The following ADAMTS3 variants were observed in gnomAD, a reference collection of about 807,000 sequenced individuals.
ADAMTS3 encodes the protein A disintegrin and metalloproteinase with thrombospondin motifs 3.
Under a neutral mutation model 129.0 loss-of-function variants are expected in ADAMTS3, and 73 were observed. The ratio of observed to expected loss-of-function variants is 0.57; its 90% CI spans 0.47 to 0.69. The LOEUF (loss-of-function observed/expected upper bound fraction) is 0.69. ADAMTS3 is among the 30% of genes least tolerant of loss of function. The probability of loss-of-function intolerance (pLI) is 0.00; values close to 1 mark genes in which losing one functional copy is unlikely to be tolerated. For missense variants in ADAMTS3, 1,457 were observed against 1,514.5 expected (o/e 0.96, Z 0.63); for synonymous variants, 477 against 510.8 (o/e 0.93, Z 0.89).
rs191988910 is a variant in ADAMTS3, at chr4:72,329,446, T to C, written c.862-6349A>G. The stretch of plus-strand genomic sequence containing the variant: ...ATATATTAGAGAACTCAGAATCCTA[T>C]AGAGAACAGACATTGTCATTGCTAC... On this transcript the variant is annotated intron_variant, in intron 5 of 21. Transcript: ENST00000286657. 2.8e-4 allele frequency among the ~76,000 whole-genome samples: 43 copies of C among 152,286 alleles called. 1 individual carries two copies. The highest frequency in any genetic ancestry group is 2.7e-3 in the East Asian group (14 of 5,178).
intron 3 of ADAMTS3, among the ~76,000 whole-genome samples, chr4:72,530,423 T>G (rs1486982440): frequency 1.2e-5 from 1 of 85,312 alleles, no homozygotes; most frequent in Non-Finnish European, 2.0e-5. Flanking sequence ...TAATATATAT[T>G]AAATTAATAT....
chr4:72,540,681 T>G (rs974227599), intron 3 of ADAMTS3, among the ~76,000 whole-genome samples: 2 of 152,182 alleles, frequency 1.3e-5, no homozygotes, highest in African/African-American at 2.4e-5. Flanking sequence ...ACTCATGCCC[T>G]GCATCCCAGC....
At chr4:72,446,479 C>G (rs1248850149) in intron 3 of ADAMTS3, among the ~76,000 whole-genome samples, 1 of 151,436 alleles carries the variant, frequency 6.6e-6, no homozygotes, top group Non-Finnish European at 1.5e-5. Flanking sequence ...CAGGCTTCTT[C>G]CAGGAAGGAA....
rs772206043 is a variant in ADAMTS3, at chr4:72,568,815, ACC to A, written c.-55_-54del. 15 of 1,153,370 alleles carry A rather than the reference ACC, an allele frequency of 1.3e-5. No homozygotes were observed. The highest frequency in any genetic ancestry group is 6.4e-5 in the East Asian group (2 of 31,222). The allele number at this position is 1,153,370 out of a possible 1,614,324, so 71.4% of individuals were successfully genotyped here. A position where few individuals can be genotyped will look rare whatever the true frequency, so the allele number is the denominator to read the frequency against. On this transcript the variant is annotated 5_prime_UTR_variant, in exon 1 of 22. Coordinates refer to ENST00000286657, the MANE Select transcript of ADAMTS3 (RefSeq NM_014243.3). The stretch of plus-strand genomic sequence containing the variant: ...TGGGCAAAGCAAATGCCCAGAGCAA[ACC>A]CACCCCCCCCGCCCAAAATAAGTTT...
intron 3 of ADAMTS3, among the ~76,000 whole-genome samples, chr4:72,422,402 T>C (rs1225980800): frequency 6.6e-6 from 1 of 152,160 alleles, no homozygotes; most frequent in Non-Finnish European, 1.5e-5. Flanking sequence ...ATATTTAGTT[T>C]CCCAAACTAT....
chr4:72,531,036 G>A (rs368438714), intron 3 of ADAMTS3, among the ~76,000 whole-genome samples: 1 of 151,154 alleles, frequency 6.6e-6, no homozygotes, highest in Non-Finnish European at 1.5e-5. Flanking sequence ...ACTTAGAAAT[G>A]CCAATGCAGC....
chr4:72,522,107 T>C (rs1720690467), intron 3 of ADAMTS3, among the ~76,000 whole-genome samples: 1 of 152,190 alleles, frequency 6.6e-6, no homozygotes, highest in South Asian at 2.1e-4. Flanking sequence ...ACTGATACAG[T>C]GAAAGAAGAT....
rs1158533129 is a variant in ADAMTS3 at position 72,295,717 on chromosome 4, T to G, written c.2660A>C (p.Glu887Ala). Residue 887 changes from glutamate to alanine, a missense_variant, in exon 19 of 22, where the codon GAG becomes GCG. Coordinates refer to ENST00000286657, the MANE Select transcript of ADAMTS3 (RefSeq NM_014243.3). ...AATAGGTTTCGGCTTTTTGTTGGCC[T>G]CACAGAAGCTGCGATGGACCATTTT... ...DNKMVHRSFC[E>A]ANKKPKPIRR... The G allele has an allele frequency of 1.2e-5, 19 of 1,612,948 alleles. No homozygotes were observed. Among genetic ancestry groups the G allele is most frequent in the Non-Finnish European group, 1.6e-5 (19 of 1,179,220 alleles).
intron 11 of ADAMTS3, among the ~76,000 whole-genome samples, chr4:72,314,685 CTT>C (rs1240721216): frequency 1.3e-5 from 2 of 152,082 alleles, no homozygotes; most frequent in Admixed American, 6.6e-5. Context: ...TCGTTATACT[CTT>C]GTTTTTAGTC....
At chr4:72,526,733 CAT>C (rs36097990) in intron 3 of ADAMTS3, among the ~76,000 whole-genome samples, 4,500 of 97,378 alleles carry the variant, frequency 0.046, 73 homozygotes, top group East Asian at 0.079. Flanking sequence ...TATATACATA[CAT>C]ATATATATAT....
At chr4:72,404,470 T>C (rs887736125) in intron 4 of ADAMTS3, among the ~76,000 whole-genome samples, 1 of 152,084 alleles carries the variant, frequency 6.6e-6, no homozygotes, top group South Asian at 2.1e-4. Context: ...AAGAATGTAA[T>C]TGAACCCTCA....
chr4:72,455,703 G>C (rs1348224935), intron 3 of ADAMTS3, among the ~76,000 whole-genome samples: 1 of 145,730 alleles, frequency 6.9e-6, no homozygotes, highest in African/African-American at 2.5e-5. Context: ...TTTGATGTTA[G>C]TGATATCTGT....
At chr4:72,513,820 T>C (rs952290389) in intron 3 of ADAMTS3, among the ~76,000 whole-genome samples, 1 of 152,158 alleles carries the variant, frequency 6.6e-6, no homozygotes, top group Non-Finnish European at 1.5e-5. Context: ...CAGGTAATTT[T>C]TAAACCCTCA....
intron 3 of ADAMTS3, among the ~76,000 whole-genome samples, chr4:72,515,300 G>C (rs1720436463): frequency 6.6e-6 from 1 of 151,054 alleles, no homozygotes; most frequent in Non-Finnish European, 1.5e-5. Context: ...AAACATACAT[G>C]TGCATGTGTC....
chr4:72,389,993 G>T (rs890253581), intron 4 of ADAMTS3, among the ~76,000 whole-genome samples: 1 of 152,102 alleles, frequency 6.6e-6, no homozygotes, highest in Non-Finnish European at 1.5e-5. Context: ...AGACAGAAAC[G>T]AGTGGAGAAG....
intron 3 of ADAMTS3, among the ~76,000 whole-genome samples, chr4:72,546,038 G>A (rs2109784681): frequency 6.6e-6 from 1 of 152,264 alleles, no homozygotes; most frequent in Admixed American, 6.5e-5. Context: ...AAATAGGCAT[G>A]GCAAGAATAT....
At chr4:72,534,123 C>T (rs1721126100) in intron 3 of ADAMTS3, among the ~76,000 whole-genome samples, 1 of 152,028 alleles carries the variant, frequency 6.6e-6, no homozygotes, top group South Asian at 2.1e-4. Flanking sequence ...GTCGAGAGAT[C>T]GAGACCATCC....
chr4:72,306,045 T>G lies in ADAMTS3; in HGVS notation c.2202A>C (p.Ile734=). 6.2e-7 allele frequency: 1 copy of G among 1,607,426 alleles called. No individual in the cohort carries two copies. The highest frequency in any genetic ancestry group is 8.5e-7 in the Non-Finnish European group (1 of 1,177,256). The change falls in exon 16 of 22, where the codon ATA becomes ATC. Residue 734 remains isoleucine, a synonymous_variant. Transcript: ENST00000286657. Reference sequence around the variant, plus strand: ...TTAACACATGTCTAGCCCCAGGGGGTATATCAAACATCTTAAGGTACCCTT... The same window carrying G: ...TTAACACATGTCTAGCCCCAGGGGGGATATCAAACATCTTAAGGTACCCTT... ...RKLGYLKMFD[I]PPGARHVLIQ...
chr4:72,561,093 C>T (rs1297308622), intron 2 of ADAMTS3, among the ~76,000 whole-genome samples: 1 of 151,964 alleles, frequency 6.6e-6, no homozygotes, highest in African/African-American at 2.4e-5. Flanking sequence ...GTGGCTAACA[C>T]TGTAATCCTA....
Sources: gnomAD v4.1 joint callset for allele counts (sites outside exome capture counted in the v4.1 genomes callset) on GRCh38, gnomAD v4.1.1 for gene constraint, MANE v1.5 for transcripts, NCBI Gene and HGNC (gene_info 2026-07-23, HGNC 2026-07-21) for gene names.